Variants in PES1 observed in about 807,000 individuals in gnomAD.
PES1 encodes pescadillo ribosomal biogenesis factor 1, also known as pescadillo homolog.
In PES1, 31 loss-of-function variants were observed where a neutral mutation model predicts 77.1. The ratio of observed to expected loss-of-function variants is 0.40; its 90% CI spans 0.30 to 0.54. The LOEUF is 0.54. PES1 is among the 20% of genes least tolerant of loss of function. The probability of loss-of-function intolerance (pLI) is 0.45; values close to 1 mark genes in which losing one functional copy is unlikely to be tolerated. For synonymous variants in PES1, 282 were observed against 303.0 expected, an observed-to-expected ratio of 0.93 and a Z score of 0.72; for missense variants, 658 against 771.7, an observed-to-expected ratio of 0.85 and a Z score of 1.75.
At chr22:30,604,978 ACT>A (rs1443211254) in intron 2 of PES1, among the ~76,000 whole-genome samples, 1 of 151,818 alleles carries the variant, frequency 6.6e-6, no homozygotes, top group Non-Finnish European at 1.5e-5. Flanking sequence ...CTGACCAGTC[ACT>A]CTATTTCTTT....
At chr22:30,593,583 C>T (rs1259827227), upstream of PES1, among the ~76,000 whole-genome samples, 7 of 152,198 alleles carry the variant, frequency 4.6e-5, no homozygotes, top group East Asian at 1.9e-4. Context: ...GGGCTGGTGT[C>T]GTGAGCATGT....
chr22:30,583,599 T>C (rs2087019581), intron 6 of PES1, among the ~76,000 whole-genome samples: 1 of 152,100 alleles, frequency 6.6e-6, no homozygotes, highest in African/African-American at 2.4e-5. Flanking sequence ...TCTCAGTGGA[T>C]CCCTGCCAAC....
At chr22:30,578,770 A>G (rs1331509952) in intron 14 of PES1, 67 bp downstream of exon 14, 6 of 1,546,272 alleles carry the variant, frequency 3.9e-6, no homozygotes, top group Non-Finnish European at 3.5e-6. Flanking sequence ...CCCAAGCCAC[A>G]TAAGTTCACC....
intron 1 of PES1, among the ~76,000 whole-genome samples, chr22:30,606,045 C>T (rs2145525845): frequency 6.6e-6 from 1 of 152,246 alleles, no homozygotes; most frequent in Non-Finnish European, 1.5e-5. Flanking sequence ...GGTTAAGTGA[C>T]CTGGCCAAAG....
At chr22:30,592,494 A>C, upstream of PES1, 1 of 813,416 alleles carries the variant, frequency 1.2e-6, no homozygotes, top group Non-Finnish European at 1.5e-6. Flanking sequence ...GACTCGTGGT[A>C]TATTTAAAAT....
chr22:30,586,925 G>A (rs11913872), intron 4 of PES1: 375 of 233,074 alleles, frequency 1.6e-3, no homozygotes, highest in African/African-American at 8.1e-3. Flanking sequence ...GCAAGGAACA[G>A]TTCAGACGAG....
chr22:30,593,197 T>A (rs977966247), upstream of PES1, among the ~76,000 whole-genome samples: 1 of 152,052 alleles, frequency 6.6e-6, no homozygotes, highest in Non-Finnish European at 1.5e-5. Flanking sequence ...CAGTTAAAAA[T>A]GAGATGAAGC....
intron 6 of PES1, 94 bp from the exon 7 acceptor site, chr22:30,581,738 C>T (rs1400063693): frequency 2.4e-6 from 2 of 819,744 alleles, no homozygotes; most frequent in East Asian, 2.5e-5. Flanking sequence ...GTCTGACCTA[C>T]CCAAAGACCC....
chr22:30,584,081 G>C (rs2087028548), intron 6 of PES1: 2 of 461,128 alleles, frequency 4.3e-6, no homozygotes, highest in South Asian at 4.5e-5. Context: ...AAAAGGCCAA[G>C]CACCAGGCAC....
At chr22:30,589,080 G>T in intron 2 of PES1, 111 bp downstream of exon 2, 1 of 727,218 alleles carries the variant, frequency 1.4e-6, no homozygotes, top group Admixed American at 2.5e-5. Flanking sequence ...AGAAAGAGAA[G>T]GAATACCAGA....
intron 2 of PES1, among the ~76,000 whole-genome samples, chr22:30,603,455 C>T (rs2087389250): frequency 6.6e-6 from 1 of 152,092 alleles, no homozygotes; most frequent in Non-Finnish European, 1.5e-5. Context: ...GATCTTGGCT[C>T]ACTGCAACCT....
At chr22:30,583,781 A>G (rs2087021992) in intron 6 of PES1, among the ~76,000 whole-genome samples, 1 of 152,228 alleles carries the variant, frequency 6.6e-6, no homozygotes, top group African/African-American at 2.4e-5. Flanking sequence ...AAAGAAAACA[A>G]TATATGTAGG....
intron 3 of PES1, 84 bp downstream of exon 3, chr22:30,587,937 A>T: frequency 7.4e-7 from 1 of 1,357,522 alleles, no homozygotes; most frequent in African/African-American, 1.4e-5. Context: ...CAGAGAGGGT[A>T]GGCAATCTGC....
intron 6 of PES1, among the ~76,000 whole-genome samples, chr22:30,582,506 G>A (rs780723759): frequency 5.9e-5 from 9 of 152,180 alleles, no homozygotes; most frequent in Non-Finnish European, 1.5e-5. Flanking sequence ...GCAAAACAGG[G>A]CAAAGAACTG....
At chr22:30,597,551 G>A (rs866212376) in intron 2 of PES1, among the ~76,000 whole-genome samples, 1 of 147,446 alleles carries the variant, frequency 6.8e-6, no homozygotes, top group Non-Finnish European at 1.5e-5. Flanking sequence ...TACACCAATC[G>A]ACACTCTATA....
At chr22:30,590,742 A>C (rs2087163433) in intron 1 of PES1, among the ~76,000 whole-genome samples, 1 of 152,150 alleles carries the variant, frequency 6.6e-6, no homozygotes, top group Non-Finnish European at 1.5e-5. Context: ...CCAGTAGGTA[A>C]AGGATCAGGG....
intron 2 of PES1, among the ~76,000 whole-genome samples, chr22:30,597,883 T>G (rs1292718563): frequency 6.9e-5 from 2 of 29,182 alleles, no homozygotes; most frequent in African/African-American, 1.4e-4. Context: ...TGAAGTTTTG[T>G]TTTTTTTTTT....
rs752905211 is a variant in PES1, at chr22:30,589,196, G to C, written c.99C>G (p.Asp33Glu). ...CACGGTCCCTCTATATTCACCTAAAGTCAGCCAAGCTCAGCTGGAGCTTCT... is the reference window on the plus strand; with the variant it reads ...CACGGTCCCTCTATATTCACCTAAACTCAGCCAAGCTCAGCTGGAGCTTCT... The part of the protein sequence containing the change: ...ARKKLQLSLA[D>E]FRRLCILKGI... Residue 33 changes from aspartate to glutamate, a missense_variant, in exon 2 of 15, where the codon GAC becomes GAG. Transcript: ENST00000354694. 6 of 1,613,428 alleles carry C rather than the reference G, an allele frequency of 3.7e-6. No homozygotes were observed. The African/African-American group carries it at 8.0e-5, about 22-fold the overall frequency.
intron 2 of PES1, among the ~76,000 whole-genome samples, chr22:30,603,560 T>C (rs576734635): frequency 1.3e-5 from 2 of 151,704 alleles, no homozygotes; most frequent in East Asian, 3.9e-4. Flanking sequence ...TTTTGTATTT[T>C]TAGTAGAGAC....
Sources: gnomAD v4.1 joint callset for allele counts (sites outside exome capture counted in the v4.1 genomes callset) on GRCh38, gnomAD v4.1.1 for gene constraint, MANE v1.5 for transcripts, NCBI Gene and HGNC (gene_info 2026-07-23, HGNC 2026-07-21) for gene names.